ADA: variants seen among roughly 807,000 people sequenced by gnomAD.
ADA encodes adenosine deaminase.
A neutral mutation model predicts 49.0 loss-of-function variants in ADA; 45 were observed. That is an observed-to-expected ratio of 0.92 (90% CI 0.72 to 1.18). The LOEUF is 1.18. ADA is among the 50% of genes most tolerant of loss of function. The pLI is 0.00. For synonymous variants in ADA, 173 were observed against 184.2 expected, an observed-to-expected ratio of 0.94 and a Z score of 0.49; for missense variants, 445 against 472.5, an observed-to-expected ratio of 0.94 and a Z score of 0.54.
intron 8 of ADA, 78 bp from the exon 9 acceptor site, chr20:44,622,730 C>T (rs2123517270): frequency 6.2e-7 from 1 of 1,613,370 alleles, no homozygotes. Flanking sequence ...GGCCTGGGGC[C>T]ACCCCTCGAG....
At chr20:44,645,214 C>T (rs2299689) in intron 1 of ADA, among the ~76,000 whole-genome samples, 80,632 of 151,500 alleles carry the variant, frequency 0.53, 22,200 homozygotes, top group East Asian at 0.75. Context: ...GAAGGGAGGA[C>T]CAGCGGGGGC....
At chr20:44,638,067 C>T (rs2065496579) in intron 1 of ADA, among the ~76,000 whole-genome samples, 1 of 152,182 alleles carries the variant, frequency 6.6e-6, no homozygotes, top group Admixed American at 6.5e-5. Flanking sequence ...CGGAGTCACA[C>T]TGTATAGAGC....
At position 44,634,958 on chromosome 20, in the gene ADA, C is replaced by T. The variant is rs556747062; in HGVS notation, c.95+1269G>A. Among the ~76,000 whole-genome samples, 62 of 152,324 alleles carry T rather than the reference C, an allele frequency of 4.1e-4. No homozygotes were observed. The South Asian group carries it at 5.4e-3, about 13-fold the overall frequency. On this transcript the variant is annotated intron_variant, in intron 2 of 11. Transcript: ENST00000372874. Reference sequence around the variant, plus strand: ...ACAAAATGAGTGTTGTGCAAACATCCGAGGAACACAGGTCTGCGGGGGCAG... The same window carrying T: ...ACAAAATGAGTGTTGTGCAAACATCTGAGGAACACAGGTCTGCGGGGGCAG...
rs2065648690 is a variant in ADA at position 44,651,699 on chromosome 20, C to T, written c.-92G>A. 5.2e-6 allele frequency: 7 copies of T among 1,357,488 alleles called. No individual in the cohort carries two copies. The highest frequency in any genetic ancestry group is 1.7e-5 in the South Asian group (1 of 57,682). 84.1% of individuals were successfully genotyped at this position (1,357,488 alleles called of 1,614,324 possible). A position where few individuals can be genotyped will look rare whatever the true frequency, so the allele number is the denominator to read the frequency against. On this transcript the variant is annotated 5_prime_UTR_variant, in exon 1 of 12. Coordinates refer to ENST00000372874, the MANE Select transcript of ADA (RefSeq NM_000022.4). ...GCCGCTCGGCTTTCCCTGGGGCCAGCGGTGGCCGCGGCCGGCCACGCTCTT... is the reference window on the plus strand; with the variant it reads ...GCCGCTCGGCTTTCCCTGGGGCCAGTGGTGGCCGCGGCCGGCCACGCTCTT...
In ADA at chr20:44,629,288, T is replaced by C. The variant is rs1433636497; in HGVS notation, c.96-119A>G. 14 of 1,445,948 alleles carry C rather than the reference T, an allele frequency of 9.7e-6. No homozygotes were observed. In the Admixed American group the frequency reaches 1.9e-4, roughly 20 times the overall value. The allele number at this position is 1,445,948 out of a possible 1,614,324, so 89.6% of individuals were successfully genotyped here. A position where few individuals can be genotyped will look rare whatever the true frequency, so the allele number is the denominator to read the frequency against. ...CCTTGCAGGACCACAGCAGGAGACA[T>C]GGGCGTCTCTCAGTCCAGCTGCTCC... On this transcript the variant is annotated intron_variant, in intron 2 of 11. Transcript: ENST00000372874.
intron 8 of ADA, 28 bp from the exon 9 acceptor site, chr20:44,622,680 G>T: frequency 6.2e-7 from 1 of 1,614,078 alleles, no homozygotes; most frequent in Non-Finnish European, 8.5e-7. Context: ...TGGCTGGCAG[G>T]GATGGCCCCA....
chr20:44,628,786 C>T (rs1057163844), intron 3 of ADA, among the ~76,000 whole-genome samples: 10 of 152,092 alleles, frequency 6.6e-5, no homozygotes, highest in African/African-American at 2.4e-4. Context: ...CCTGCACTGC[C>T]TCTGACCCTG....
intron 9 of ADA, among the ~76,000 whole-genome samples, chr20:44,621,499 C>A (rs1287155473): frequency 6.6e-6 from 1 of 152,238 alleles, no homozygotes; most frequent in East Asian, 1.9e-4. Context: ...CCCTCTGCAC[C>A]CTACCCTGCT....
chr20:44,650,789 C>T (rs184717752), intron 1 of ADA, among the ~76,000 whole-genome samples: 1 of 152,242 alleles, frequency 6.6e-6, no homozygotes, highest in Admixed American at 6.5e-5. Context: ...TGACTCCTTC[C>T]CCAACCACTC....
rs888003863 is a variant in ADA, at chr20:44,624,222, C to T, written c.586G>A (p.Gly196Arg). The T allele has an allele frequency of 6.2e-7, 1 of 1,613,242 alleles. No homozygotes were observed. The highest frequency in any genetic ancestry group is 8.5e-7 in the Non-Finnish European group (1 of 1,179,648). Residue 196 changes from glycine to arginine, a missense_variant, in exon 6 of 12, where the codon GGA (glycine) becomes AGA (arginine). By Grantham distance (125) the Gly-to-Arg change is moderately radical. Transcript: ENST00000372874. ...CCCACCTGGTAGGCCTGGACATGTC[C>T]AGGCAAGAGGCTGCTTCCTGGGATG... is the stretch of plus-strand genomic sequence containing the variant. ...ETIPGSSLLP[G>R]HVQAYQEAVK...
At position 44,620,921 on chromosome 20, in the gene ADA, C is replaced by A. The variant is rs2065324295; in HGVS notation, c.975+97G>T. On this transcript the variant is annotated intron_variant, in intron 10 of 11. Coordinates refer to ENST00000372874, the MANE Select transcript of ADA (RefSeq NM_000022.4). ...TTGTCTTGGACTGTTGAGGCAGACT[C>A]ACTCCCTCTCTCCAAAGATTCCAGG... The A allele has an allele frequency of 7.2e-6, 11 of 1,532,464 alleles. No individual in the cohort carries two copies. The South Asian group carries it at 1.2e-4, about 17-fold the overall frequency. The allele number at this position is 1,532,464 out of a possible 1,614,324, so 94.9% of individuals were successfully genotyped here.
chr20:44,622,502 A>G, intron 9 of ADA, 86 bp downstream of exon 9: 1 of 1,482,582 alleles, frequency 6.7e-7, no homozygotes. Flanking sequence ...AAGACGCGGC[A>G]TGGGCTGATG....
chr20:44,633,978 G>C (rs1288710944), intron 2 of ADA, among the ~76,000 whole-genome samples: 1 of 152,234 alleles, frequency 6.6e-6, no homozygotes, highest in African/African-American at 2.4e-5. Context: ...AAACTCCCCA[G>C]TCCCCTGCCT....
intron 5 of ADA, among the ~76,000 whole-genome samples, chr20:44,625,173 G>C (rs952655418): frequency 2.6e-5 from 4 of 152,198 alleles, no homozygotes; most frequent in Admixed American, 1.3e-4. Flanking sequence ...ATCTGCGTCA[G>C]TGACAAGGGA....
rs575794927 is a variant in ADA, at chr20:44,647,912, G to A, written c.33+3663C>T. 1.5e-3 allele frequency among the ~76,000 whole-genome samples: 228 copies of A among 152,114 alleles called. 2 individuals carry two copies. The highest frequency in any genetic ancestry group is 2.5e-3 in the Non-Finnish European group (172 of 68,008). On this transcript the variant is annotated intron_variant, in intron 1 of 11. Coordinates refer to ENST00000372874, the MANE Select transcript of ADA (RefSeq NM_000022.4). ...AGCCTGGGCAACAGAGTGAGACTGC[G>A]GCACACGCCTGTAGTCCCAGCTACT...
rs200539724 is a variant in ADA, at chr20:44,626,450, A to G, written c.362+6T>C. 5 of 1,613,576 alleles carry G rather than the reference A, an allele frequency of 3.1e-6. No homozygotes were observed. The highest frequency in any genetic ancestry group is 1.3e-5 in the African/African-American group (1 of 74,988). On this transcript the variant is annotated splice_donor_region_variant and intron_variant, in intron 4 of 11. Transcript: ENST00000372874. Reference sequence around the variant, plus strand: ...CAGCATGGCCCCTTCCAGGCCCATCACTCACTCAGCCTGGTTCCAGGGGAT... The same window carrying G: ...CAGCATGGCCCCTTCCAGGCCCATCGCTCACTCAGCCTGGTTCCAGGGGAT...
chr20:44,639,358 C>T (rs1031236570), intron 1 of ADA, among the ~76,000 whole-genome samples: 9 of 151,350 alleles, frequency 5.9e-5, no homozygotes, highest in Admixed American at 1.3e-4. Flanking sequence ...AGGGAGGATG[C>T]GGGGGAGGGA....
intron 1 of ADA, among the ~76,000 whole-genome samples, chr20:44,650,852 C>T (rs948190915): frequency 6.6e-6 from 1 of 152,176 alleles, no homozygotes; most frequent in African/African-American, 2.4e-5. Flanking sequence ...GGCCCCTCCT[C>T]TCGGACTCTG....
In ADA at chr20:44,622,623, A is replaced by G; in HGVS notation, c.810T>C (p.Gly270=). ...EICPWSSYLT[G]AWKPDTEHAV... ...CATGCTCCGTGTCCGGCTTCCAGGC[A>G]CCAGTGAGGTAGCTGGACCAGGGGC... is the stretch of plus-strand genomic sequence containing the variant. Residue 270 remains glycine, a synonymous_variant, in exon 9 of 12, where the codon GGT becomes GGC. Coordinates refer to ENST00000372874, the MANE Select transcript of ADA (RefSeq NM_000022.4). The G allele has an allele frequency of 1.9e-6, 3 of 1,614,218 alleles. No individual in the cohort carries two copies. In the South Asian group the frequency reaches 3.3e-5, roughly 18 times the overall value.
Sources: gnomAD v4.1 joint callset for allele counts (sites outside exome capture counted in the v4.1 genomes callset) on GRCh38, gnomAD v4.1.1 for gene constraint, MANE v1.5 for transcripts, NCBI Gene and HGNC (gene_info 2026-07-23, HGNC 2026-07-21) for gene names.